Variants in ABCD2 observed in about 807,000 individuals in gnomAD.
ABCD2 encodes ATP-binding cassette sub-family D member 2.
ABCD2 carries 36 observed loss-of-function variants against 70.9 expected under a neutral mutation model. The ratio of observed to expected loss-of-function variants is 0.51; its 90% CI spans 0.39 to 0.67. The LOEUF is 0.67. ABCD2 is among the 30% of genes least tolerant of loss of function. The pLI, the probability that ABCD2 is intolerant of heterozygous loss-of-function variation, is 0.00. For missense variants in ABCD2, 729 were observed against 890.2 expected, an observed-to-expected ratio of 0.82 and a Z score of 2.30; for synonymous variants, 304 against 306.9, an observed-to-expected ratio of 0.99 and a Z score of 0.10.
At chr12:39,563,142 A>G (rs1194592064) in intron 9 of ABCD2, among the ~76,000 whole-genome samples, 1 of 152,168 alleles carries the variant, frequency 6.6e-6, no homozygotes, top group Admixed American at 6.6e-5. Flanking sequence ...CAACAAACTA[A>G]GCATAGGAGG....
At chr12:39,564,092 G>A (rs1941303817) in intron 9 of ABCD2, among the ~76,000 whole-genome samples, 1 of 152,134 alleles carries the variant, frequency 6.6e-6, no homozygotes, top group South Asian at 2.1e-4. Context: ...AAACATATGT[G>A]TGCATGTGTC....
At chr12:39,568,143 T>A (rs1239911942) in intron 9 of ABCD2, among the ~76,000 whole-genome samples, 2 of 152,180 alleles carry the variant, frequency 1.3e-5, no homozygotes, top group African/African-American at 4.8e-5. Flanking sequence ...TGTGGCATTC[T>A]CTGTATTTCG....
At chr12:39,558,448 G>A (rs1941202875) in intron 9 of ABCD2, among the ~76,000 whole-genome samples, 1 of 152,182 alleles carries the variant, frequency 6.6e-6, no homozygotes, top group Non-Finnish European at 1.5e-5. Flanking sequence ...CAGTTTGGCT[G>A]TTTCCTTACC....
At chr12:39,575,486 A>G (rs1349282051) in intron 8 of ABCD2, among the ~76,000 whole-genome samples, 1 of 152,194 alleles carries the variant, frequency 6.6e-6, no homozygotes, top group Non-Finnish European at 1.5e-5. Context: ...GTGTATCATC[A>G]GTAGAATGGG....
At chr12:39,548,101 A>C (rs1000819592), downstream of ABCD2, among the ~76,000 whole-genome samples, 45 of 151,912 alleles carry the variant, frequency 3.0e-4, no homozygotes, top group Non-Finnish European at 5.9e-4. Flanking sequence ...GCAGTATGAT[A>C]CTCTCTTGCA....
chr12:39,547,203 G>A (rs1941033450), downstream of ABCD2, among the ~76,000 whole-genome samples: 1 of 152,078 alleles, frequency 6.6e-6, no homozygotes, highest in South Asian at 2.1e-4. Context: ...GTGCTGGTAA[G>A]GATGTGGAGA....
rs1259404294 is a variant in ABCD2 at position 39,586,304 on chromosome 12, A to T, written c.1647-7T>A. On this transcript the variant is annotated splice_polypyrimidine_tract_variant and splice_region_variant and intron_variant, in intron 6 of 9. Transcript: ENST00000308666. ...TCCAAGAGACATATATGGCCTTTAA[A>T]ACACCAAGCACACAAGAATCCTAGT... 6.2e-7 allele frequency: 1 copy of T among 1,606,870 alleles called. No individual in the cohort carries two copies. Among genetic ancestry groups the T allele is most frequent in the African/African-American group, 1.3e-5 (1 of 74,616 alleles).
At chr12:39,547,753 C>T (rs1489763907), downstream of ABCD2, among the ~76,000 whole-genome samples, 2 of 152,010 alleles carry the variant, frequency 1.3e-5, no homozygotes, top group African/African-American at 4.8e-5. Flanking sequence ...ATATAGTTAA[C>T]ATTACTGAAC....
chr12:39,568,690 G>T (rs568515780), intron 9 of ABCD2, among the ~76,000 whole-genome samples: 1 of 152,286 alleles, frequency 6.6e-6, no homozygotes, highest in South Asian at 2.1e-4. Context: ...TCCTTTGGAG[G>T]AGGAGAGGTG....
At chr12:39,584,492 CT>C (rs1371907788) in intron 7 of ABCD2, among the ~76,000 whole-genome samples, 3 of 152,098 alleles carry the variant, frequency 2.0e-5, no homozygotes, top group African/African-American at 7.2e-5. Context: ...TTGATAGTTT[CT>C]TTTGCTGTGC....
At chr12:39,607,769 A>G in intron 2 of ABCD2, 55 bp from the exon 3 acceptor site, 1 of 946,600 alleles carries the variant, frequency 1.1e-6, no homozygotes, top group Non-Finnish European at 1.6e-6. Flanking sequence ...TTTTTTTAGT[A>G]ACTTAATGTT....
rs1239318280 is a variant in ABCD2, at chr12:39,553,772, C to T, written c.*140G>A. 4 of 644,508 alleles carry T rather than the reference C, an allele frequency of 6.2e-6. No individual in the cohort carries two copies. The African/African-American group carries it at 7.3e-5, about 12-fold the overall frequency. The allele number at this position is 644,508 out of a possible 1,614,324, so 39.9% of individuals were successfully genotyped here. ...TTCTTCTGAAAAGTCAGATCATATA[C>T]TTCCTTAATGCTAAAATCTTATAAA... On this transcript the variant is annotated 3_prime_UTR_variant, in exon 10 of 10. Transcript: ENST00000308666.
intron 8 of ABCD2, among the ~76,000 whole-genome samples, chr12:39,576,775 G>A (rs148296733): frequency 1.8e-3 from 280 of 152,228 alleles, no homozygotes; most frequent in African/African-American, 6.4e-3. Context: ...TGGAAGGGAG[G>A]ATGAGTAAAC....
intron 3 of ABCD2, among the ~76,000 whole-genome samples, chr12:39,606,508 A>G (rs1408005962): frequency 6.6e-6 from 1 of 152,258 alleles, no homozygotes; most frequent in Non-Finnish European, 1.5e-5. Context: ...ACAATATTTT[A>G]ATGTGAGATA....
chr12:39,548,870 T>G (rs1461991982), downstream of ABCD2, among the ~76,000 whole-genome samples: 1 of 151,980 alleles, frequency 6.6e-6, no homozygotes, highest in Non-Finnish European at 1.5e-5. Context: ...AGTGAATACT[T>G]AATCTTTTTG....
At position 39,550,298 on chromosome 12, in the gene ABCD2, C is replaced by T. The variant is rs1190948445; in HGVS notation, c.*3614G>A. On this transcript the variant is annotated 3_prime_UTR_variant, in exon 10 of 10. Coordinates refer to ENST00000308666, the MANE Select transcript of ABCD2 (RefSeq NM_005164.4). Reference sequence around the variant, plus strand: ...ATAATTTGTAATTCCTTTGATTAATCTAGTCTTTTTCTTAATGGTTAAGGA... The same window carrying T: ...ATAATTTGTAATTCCTTTGATTAATTTAGTCTTTTTCTTAATGGTTAAGGA... 1 of 151,558 alleles carries T rather than the reference C, an allele frequency of 6.6e-6. No homozygotes were observed. Among genetic ancestry groups the T allele is most frequent in the Non-Finnish European group, 1.5e-5 (1 of 67,728 alleles). The allele number at this position is 151,558 out of a possible 1,614,324, so 9.4% of individuals were successfully genotyped here.
At chr12:39,590,025 G>C (rs1299738943) in intron 6 of ABCD2, among the ~76,000 whole-genome samples, 2 of 152,006 alleles carry the variant, frequency 1.3e-5, no homozygotes, top group Non-Finnish European at 2.9e-5. Flanking sequence ...AAGAAAATTC[G>C]GGATGACATT....
chr12:39,563,243 A>G (rs1941287197), intron 9 of ABCD2, among the ~76,000 whole-genome samples: 1 of 152,152 alleles, frequency 6.6e-6, no homozygotes, highest in Non-Finnish European at 1.5e-5. Context: ...TTCCCTCTGC[A>G]ACCAGGCATG....
chr12:39,603,484 GTAAT>G (rs1483973025), intron 5 of ABCD2, among the ~76,000 whole-genome samples: 7 of 152,088 alleles, frequency 4.6e-5, no homozygotes, highest in Non-Finnish European at 1.0e-4. Flanking sequence ...ATTAGTACAT[GTAAT>G]TATTTTAAAA....
Sources: gnomAD v4.1 joint callset for allele counts (sites outside exome capture counted in the v4.1 genomes callset) on GRCh38, gnomAD v4.1.1 for gene constraint, MANE v1.5 for transcripts, NCBI Gene and HGNC (gene_info 2026-07-23, HGNC 2026-07-21) for gene names.